RORA: variants seen among roughly 807,000 people sequenced by gnomAD.
RORA encodes nuclear receptor ROR-alpha.
Under a neutral mutation model 69.5 loss-of-function variants are expected in RORA, and 7 were observed. The ratio of observed to expected loss-of-function variants is 0.10; its 90% CI spans 0.06 to 0.19. The LOEUF (loss-of-function observed/expected upper bound fraction) is 0.19, where lower values mean the gene tolerates loss of function less well. Ranked by LOEUF, RORA falls within the 10% of genes least tolerant of loss-of-function variation. The pLI is 1.00. For synonymous variants in RORA, 261 were observed against 240.8 expected, an observed-to-expected ratio of 1.08 and a Z score of -0.78; for missense variants, 457 against 663.0, an observed-to-expected ratio of 0.69 and a Z score of 3.41.
chr15:61,001,160 A>G (rs962325904), intron 1 of RORA, among the ~76,000 whole-genome samples: 1 of 152,202 alleles, frequency 6.6e-6, no homozygotes, highest in East Asian at 1.9e-4. Context: ...CCCAAGTTGC[A>G]GTCTCATCAC....
At chr15:60,961,100 C>T (rs75221237) in intron 1 of RORA, among the ~76,000 whole-genome samples, 1 of 152,296 alleles carries the variant, frequency 6.6e-6, no homozygotes, top group African/African-American at 2.4e-5. Flanking sequence ...AATCTCACCT[C>T]CTTCAGGACA....
intron 2 of RORA, chr15:60,592,380 G>A: frequency 7.0e-7 from 1 of 1,426,844 alleles, no homozygotes; most frequent in South Asian, 1.4e-5. Context: ...GGGGCGCCCG[G>A]GCTCACCTTT....
At chr15:60,947,778 G>A (rs1220892832) in intron 1 of RORA, among the ~76,000 whole-genome samples, 1 of 151,936 alleles carries the variant, frequency 6.6e-6, no homozygotes, top group Non-Finnish European at 1.5e-5. Context: ...GTGCAGTCTT[G>A]GGTGCTGTGC....
intron 1 of RORA, among the ~76,000 whole-genome samples, chr15:60,910,061 T>A (rs1891660998): frequency 6.6e-6 from 1 of 152,218 alleles, no homozygotes. Context: ...CCTGGCTGTG[T>A]GGAGCCATTC....
intron 1 of RORA, among the ~76,000 whole-genome samples, chr15:60,869,885 T>C (rs1033878416): frequency 2.1e-4 from 32 of 152,208 alleles, no homozygotes; most frequent in African/African-American, 6.5e-4. Context: ...TCCACACTTA[T>C]GTCCCAGAGG....
At chr15:60,773,116 A>G (rs1469842424) in intron 1 of RORA, among the ~76,000 whole-genome samples, 1 of 152,170 alleles carries the variant, frequency 6.6e-6, no homozygotes, top group Non-Finnish European at 1.5e-5. Flanking sequence ...ACCTCCCTTG[A>G]CAGCTCATTT....
intron 1 of RORA, among the ~76,000 whole-genome samples, chr15:60,797,741 A>C (rs2072518584): frequency 6.6e-6 from 1 of 152,158 alleles, no homozygotes; most frequent in Non-Finnish European, 1.5e-5. Context: ...CGCGGTTGAC[A>C]AGAAGCAGCA....
At chr15:60,844,103 C>T (rs2073235271) in intron 1 of RORA, among the ~76,000 whole-genome samples, 1 of 152,146 alleles carries the variant, frequency 6.6e-6, no homozygotes, top group South Asian at 2.1e-4. Flanking sequence ...TTTTCATAGC[C>T]TCCTCTGGCT....
At chr15:61,071,654 T>G (rs866028474) in intron 1 of RORA, among the ~76,000 whole-genome samples, 113 of 2,782 alleles carry the variant, frequency 0.041, no homozygotes, top group East Asian at 0.048. Flanking sequence ...AGGGGAGGGG[T>G]GGGGAGGGGT....
chr15:61,114,384 C>T (rs2079032608), intron 1 of RORA, among the ~76,000 whole-genome samples: 1 of 152,122 alleles, frequency 6.6e-6, no homozygotes, highest in African/African-American at 2.4e-5. Flanking sequence ...GGTAATTTAT[C>T]CCCTATTCCA....
chr15:60,636,259 C>T (rs889489003), intron 2 of RORA, among the ~76,000 whole-genome samples: 1 of 152,160 alleles, frequency 6.6e-6, no homozygotes, highest in African/African-American at 2.4e-5. Flanking sequence ...AAAACAATCC[C>T]ATCTTTCTAT....
At chr15:60,499,396 T>G (rs1479771380) in intron 10 of RORA, among the ~76,000 whole-genome samples, 1 of 152,114 alleles carries the variant, frequency 6.6e-6, no homozygotes, top group Non-Finnish European at 1.5e-5. Context: ...ATTAGCCAAG[T>G]GTGGTAGCAC....
At chr15:61,210,326 G>T (rs1309158862) in intron 1 of RORA, among the ~76,000 whole-genome samples, 1 of 152,016 alleles carries the variant, frequency 6.6e-6, no homozygotes, top group African/African-American at 2.4e-5. Flanking sequence ...CCATCTAAAT[G>T]ACCCAGCTGA....
chr15:61,198,888 C>T (rs1332059625), intron 1 of RORA, among the ~76,000 whole-genome samples: 16 of 152,134 alleles, frequency 1.1e-4, no homozygotes, highest in African/African-American at 7.2e-5. Flanking sequence ...TTCACTCACC[C>T]GCCAGCAGCC....
At chr15:60,590,769 A>C (rs2289163) in intron 2 of RORA, among the ~76,000 whole-genome samples, 7,892 of 152,296 alleles carry the variant, frequency 0.052, 281 homozygotes, top group East Asian at 0.14. Flanking sequence ...TTCCTCCCAA[A>C]TAATTTTAAG....
intron 1 of RORA, among the ~76,000 whole-genome samples, chr15:60,809,791 T>G (rs2072716728): frequency 6.6e-6 from 1 of 151,236 alleles, no homozygotes; most frequent in African/African-American, 2.4e-5. Flanking sequence ...AATATTATGT[T>G]TTTTTTTTCT....
intron 1 of RORA, chr15:60,848,260 C>T (rs774742537): frequency 6.6e-6 from 1 of 152,262 alleles, no homozygotes; most frequent in Non-Finnish European, 1.5e-5. Flanking sequence ...TCCCTGGAAC[C>T]TGTGAATATG....
intron 1 of RORA, among the ~76,000 whole-genome samples, chr15:60,948,979 C>G (rs1448455498): frequency 6.6e-6 from 1 of 152,164 alleles, no homozygotes; most frequent in Non-Finnish European, 1.5e-5. Flanking sequence ...AAACAGGAAA[C>G]AGGCAGAGTT....
At chr15:60,630,166 C>T (rs2069701633) in intron 2 of RORA, among the ~76,000 whole-genome samples, 2 of 152,178 alleles carry the variant, frequency 1.3e-5, no homozygotes, top group African/African-American at 4.8e-5. Context: ...ATGAGTTCTA[C>T]ACTGATGCAA....
Sources: gnomAD v4.1 joint callset for allele counts (sites outside exome capture counted in the v4.1 genomes callset) on GRCh38, gnomAD v4.1.1 for gene constraint, MANE v1.5 for transcripts, NCBI Gene and HGNC (gene_info 2026-07-23, HGNC 2026-07-21) for gene names.